RASGRF2: variants seen among roughly 807,000 people sequenced by gnomAD.
The protein encoded by RASGRF2 is ras-specific guanine nucleotide-releasing factor 2.
RASGRF2 carries 76 observed loss-of-function variants against 151.0 expected under a neutral mutation model. The observed-to-expected ratio is 0.50, with a 90% CI of 0.42 to 0.61. RASGRF2 has a LOEUF of 0.61. RASGRF2 is among the 20% of genes least tolerant of loss of function. RASGRF2 has a pLI of 0.00. For missense variants in RASGRF2, 1,148 were observed against 1,564.6 expected, an observed-to-expected ratio of 0.73 and a Z score of 4.49; for synonymous variants, 504 against 566.5, an observed-to-expected ratio of 0.89 and a Z score of 1.57.
At chr5:81,080,021 A>G in intron 5 of RASGRF2, 100 bp from the exon 6 acceptor site, 1 of 1,415,866 alleles carries the variant, frequency 7.1e-7, no homozygotes, top group South Asian at 1.4e-5. Flanking sequence ...CCTATGGGAC[A>G]TATATATTAT....
intron 7 of RASGRF2, among the ~76,000 whole-genome samples, chr5:81,085,187 A>C (rs1288159089): frequency 3.9e-5 from 6 of 152,202 alleles, no homozygotes. Flanking sequence ...TTGAATCTCT[A>C]TCATGGTTTA....
At chr5:81,084,970 T>C (rs1266533778) in intron 7 of RASGRF2, among the ~76,000 whole-genome samples, 1 of 152,200 alleles carries the variant, frequency 6.6e-6, no homozygotes, top group Non-Finnish European at 1.5e-5. Flanking sequence ...TAGTTCTCTA[T>C]CTGTAAAAGC....
At chr5:80,969,206 C>T (rs1488396822) in intron 1 of RASGRF2, among the ~76,000 whole-genome samples, 8 of 147,934 alleles carry the variant, frequency 5.4e-5, no homozygotes, top group South Asian at 4.3e-4. Context: ...TCTCAGCTCA[C>T]GGCAATCTCT....
At chr5:81,155,696 G>A (rs571693250) in intron 17 of RASGRF2, among the ~76,000 whole-genome samples, 5 of 152,180 alleles carry the variant, frequency 3.3e-5, no homozygotes, top group East Asian at 1.9e-4. Context: ...AAAGAAAGAA[G>A]CACTGAACGC....
intron 25 of RASGRF2, among the ~76,000 whole-genome samples, chr5:81,217,694 T>C (rs1755773369): frequency 6.8e-6 from 1 of 146,776 alleles, no homozygotes; most frequent in Admixed American, 7.0e-5. Context: ...TTCTCTTGCC[T>C]CAGCCTCCTG....
At chr5:80,969,166 T>C (rs1033999148) in intron 1 of RASGRF2, among the ~76,000 whole-genome samples, 2 of 139,480 alleles carry the variant, frequency 1.4e-5, no homozygotes, top group African/African-American at 5.5e-5. Context: ...AGTCTCGCTC[T>C]GTCACCCAGG....
chr5:81,027,075 G>A (rs1354719207), intron 1 of RASGRF2, among the ~76,000 whole-genome samples: 1 of 152,070 alleles, frequency 6.6e-6, no homozygotes, highest in African/African-American at 2.4e-5. Context: ...CCATTTTAAA[G>A]TATACAATCC....
At chr5:81,147,591 G>T (rs970424686) in intron 17 of RASGRF2, among the ~76,000 whole-genome samples, 2 of 152,208 alleles carry the variant, frequency 1.3e-5, no homozygotes, top group African/African-American at 2.4e-5. Flanking sequence ...GTGCTCTTAT[G>T]TGTGTGTTTT....
At chr5:81,075,975 A>G (rs1056380776) in intron 5 of RASGRF2, among the ~76,000 whole-genome samples, 9 of 152,202 alleles carry the variant, frequency 5.9e-5, no homozygotes, top group African/African-American at 2.2e-4. Flanking sequence ...AGAAGAGTGA[A>G]GAGGATCCTT....
At chr5:81,088,050 C>CT (rs2112491949) in intron 9 of RASGRF2, 1 of 152,262 alleles carries the variant, frequency 6.6e-6, no homozygotes, top group East Asian at 1.9e-4. Context: ...GAAATGATTC[C>CT]TTTTCTCATT....
At chr5:81,206,778 A>C in intron 19 of RASGRF2, 67 bp from the exon 20 acceptor site, 1 of 1,396,338 alleles carries the variant, frequency 7.2e-7, no homozygotes, top group Non-Finnish European at 1.0e-6. Flanking sequence ...ACCAAACTGC[A>C]TTTGTAGTTT....
At chr5:81,001,611 A>T (rs185680537) in intron 1 of RASGRF2, among the ~76,000 whole-genome samples, 1 of 152,092 alleles carries the variant, frequency 6.6e-6, no homozygotes, top group African/African-American at 2.4e-5. Context: ...TATTGAAAGG[A>T]TATAATGTGA....
intron 17 of RASGRF2, among the ~76,000 whole-genome samples, chr5:81,172,849 T>C (rs1043869313): frequency 1.3e-5 from 2 of 152,128 alleles, no homozygotes; most frequent in African/African-American, 4.8e-5. Flanking sequence ...TGCCCTCTCA[T>C]CCTCTGGATG....
chr5:81,108,889 A>G, intron 12 of RASGRF2, 107 bp from the exon 13 acceptor site: 3 of 1,415,522 alleles, frequency 2.1e-6, no homozygotes, highest in Non-Finnish European at 2.8e-6. Context: ...TGTAAGAGAC[A>G]GGGAGAGAGA....
At chr5:81,119,645 G>A (rs1043581010) in intron 15 of RASGRF2, among the ~76,000 whole-genome samples, 2 of 152,224 alleles carry the variant, frequency 1.3e-5, no homozygotes, top group African/African-American at 4.8e-5. Flanking sequence ...GACAGAGTGG[G>A]ATCATGTGGA....
At position 81,112,672 on chromosome 5, in the gene RASGRF2, G is replaced by A. The variant is rs1487873261; in HGVS notation, c.1901G>A (p.Cys634Tyr). 3 of 1,614,192 alleles carry A rather than the reference G, an allele frequency of 1.9e-6. No individual in the cohort carries two copies. The highest frequency in any genetic ancestry group is 4.5e-5 in the East Asian group (2 of 44,880). ...DICFSKTLNS[C>Y]KVPQIRYASV... ...TGCTTCAGTAAAACACTCAACTCCT[G>A]CAAAGTGCCCCAGATCCGTTATGCC... The change falls in exon 14 of 27, where the codon TGC becomes TAC. Residue 634 changes from cysteine to tyrosine, a missense_variant. This residue lies in a region of RASGRF2 where 646 missense variants were observed against 807.4 expected (regional missense o/e 0.80). Transcript: ENST00000265080.
chr5:81,172,434 CGTGTGTGTGTGTGTGTGT>C (rs57957668), intron 17 of RASGRF2, among the ~76,000 whole-genome samples: 4 of 145,502 alleles, frequency 2.7e-5, no homozygotes, highest in Admixed American at 6.8e-5. Flanking sequence ...CAAGGATGTG[CGTGTGTGTGTGTGTGTGT>C]GTGTGTGTGT....
At chr5:81,123,521 A>G in intron 15 of RASGRF2, 121 bp from the exon 16 acceptor site, 1 of 1,208,028 alleles carries the variant, frequency 8.3e-7, no homozygotes, top group South Asian at 1.6e-5. Context: ...TTGATTTCAT[A>G]TTAAAGCCCT....
intron 19 of RASGRF2, among the ~76,000 whole-genome samples, chr5:81,202,220 T>A (rs1045832638): frequency 6.6e-6 from 1 of 152,212 alleles, no homozygotes; most frequent in Non-Finnish European, 1.5e-5. Flanking sequence ...AAGTACGTCC[T>A]CTGTCCGTGC....
Sources: allele counts gnomAD v4.1 joint callset (sites outside exome capture counted in the v4.1 genomes callset), GRCh38; gene constraint gnomAD v4.1.1; regional missense constraint gnomAD v4.1.1; transcripts MANE v1.5; gene names NCBI Gene and HGNC (gene_info 2026-07-23, HGNC 2026-07-21).